HMGCS2: variants seen among roughly 807,000 people sequenced by gnomAD.
The protein encoded by HMGCS2 is 3-hydroxy-3-methylglutaryl-CoA synthase 2.
Under a neutral mutation model 57.4 loss-of-function variants are expected in HMGCS2, and 50 were observed. The ratio of observed to expected loss-of-function variants is 0.87; its 90% CI spans 0.69 to 1.10. HMGCS2 has a LOEUF of 1.10. Among genes scored for constraint, HMGCS2 ranks in the 50% least tolerant of loss-of-function variants. The pLI is 0.00. For missense variants in HMGCS2, 627 were observed against 636.5 expected (o/e 0.99, Z 0.16); for synonymous variants, 254 against 245.1 (o/e 1.04, Z -0.34).
At chr1:119,762,079 G>C (rs587678280) in intron 2 of HMGCS2, among the ~76,000 whole-genome samples, 19 of 152,216 alleles carry the variant, frequency 1.2e-4, no homozygotes, top group African/African-American at 4.6e-4. Flanking sequence ...ATTGTACAAT[G>C]TTCATTAAAA....
chr1:119,761,092 T>C (rs1020797118), intron 2 of HMGCS2, among the ~76,000 whole-genome samples: 20 of 148,798 alleles, frequency 1.3e-4, no homozygotes, highest in African/African-American at 4.6e-4. Flanking sequence ...TGTGTATATA[T>C]ATAAATATAC....
In HMGCS2 at chr1:119,757,265, G is replaced by T. The variant is rs1436255498; in HGVS notation, c.1016+8C>A. On this transcript the variant is annotated splice_region_variant and intron_variant, in intron 5 of 9. Transcript: ENST00000369406. ...CCAGCCTCTAGGCTCCCCAAGAAGA[G>T]AACTCACCCGAAAGCCTCCAGCCCC... The T allele has an allele frequency of 1.9e-6, 3 of 1,613,964 alleles. No homozygotes were observed. The highest frequency in any genetic ancestry group is 3.3e-5 in the Admixed American group (2 of 60,002).
chr1:119,756,472 A>T (rs1652840807), intron 5 of HMGCS2, among the ~76,000 whole-genome samples: 1 of 152,120 alleles, frequency 6.6e-6, no homozygotes, highest in Non-Finnish European at 1.5e-5. Context: ...TGTTTTAGTT[A>T]GTGGCAGGGT....
At chr1:119,758,199 G>A (rs756870029) in intron 4 of HMGCS2, among the ~76,000 whole-genome samples, 4 of 152,246 alleles carry the variant, frequency 2.6e-5, no homozygotes. Context: ...TACTATTTAT[G>A]TCTTTAAAGT....
In HMGCS2 at chr1:119,764,153, G is replaced by T; in HGVS notation, c.559+19C>A. ...CAATTCCAGCACCTTTCTTACATAA[G>T]GTTCGTGGCCGTACATACCATCCCA... On this transcript the variant is annotated intron_variant, in intron 2 of 9. Coordinates refer to ENST00000369406, the MANE Select transcript of HMGCS2 (RefSeq NM_005518.4). 6.2e-7 allele frequency: 1 copy of T among 1,608,712 alleles called. No homozygotes were observed. The highest frequency in any genetic ancestry group is 1.3e-5 in the African/African-American group (1 of 74,934).
intron 2 of HMGCS2, among the ~76,000 whole-genome samples, chr1:119,760,922 A>G (rs1355025664): frequency 6.6e-6 from 1 of 151,998 alleles, no homozygotes; most frequent in African/African-American, 2.4e-5. Context: ...TTGCCCAAAA[A>G]CCACATAGCT....
intron 2 of HMGCS2, among the ~76,000 whole-genome samples, chr1:119,760,812 C>G (rs1653012234): frequency 1.3e-5 from 2 of 152,100 alleles, no homozygotes; most frequent in Admixed American, 1.3e-4. Context: ...TTGGGAGCCA[C>G]ATTTCTATAT....
intron 2 of HMGCS2, among the ~76,000 whole-genome samples, chr1:119,763,552 C>T (rs935470602): frequency 6.6e-6 from 1 of 152,172 alleles, no homozygotes; most frequent in Non-Finnish European, 1.5e-5. Context: ...TGTACTGTTT[C>T]CCTTGAATCA....
chr1:119,748,588 C>T lies in HMGCS2; in HGVS notation c.*259G>A, dbSNP rs1652534347. 1 of 152,140 alleles carries T rather than the reference C, an allele frequency of 6.6e-6. No homozygotes were observed. Among genetic ancestry groups the T allele is most frequent in the Non-Finnish European group, 1.5e-5 (1 of 68,042 alleles). The allele number at this position is 152,140 out of a possible 1,614,324, so 9.4% of individuals were successfully genotyped here. On this transcript the variant is annotated 3_prime_UTR_variant, in exon 10 of 10. Coordinates refer to ENST00000369406, the MANE Select transcript of HMGCS2 (RefSeq NM_005518.4). ...GTGATTCAGGAAGAGGTCTTCTCTC[C>T]ATTGCTCCATCTTGCTCTTTCACAA...
intron 5 of HMGCS2, 151 bp from the exon 6 acceptor site, chr1:119,755,748 C>T: frequency 1.3e-6 from 1 of 775,482 alleles, no homozygotes; most frequent in South Asian, 1.4e-5. Context: ...GAGAACATAC[C>T]ACTAATGGCC....
intron 2 of HMGCS2, among the ~76,000 whole-genome samples, chr1:119,762,033 T>C (rs1296756188): frequency 2.0e-5 from 3 of 152,242 alleles, no homozygotes; most frequent in Non-Finnish European, 4.4e-5. Flanking sequence ...TCTAGGAATT[T>C]ATTCTTACAA....
At chr1:119,765,700 G>A (rs587671958) in intron 1 of HMGCS2, among the ~76,000 whole-genome samples, 28 of 152,252 alleles carry the variant, frequency 1.8e-4, no homozygotes, top group African/African-American at 6.7e-4. Context: ...CCCTTATAGG[G>A]CATAATTATA....
At position 119,748,702 on chromosome 1, in the gene HMGCS2, C is replaced by T. The variant is rs1333723178; in HGVS notation, c.*145G>A. The T allele has an allele frequency of 1.3e-5, 2 of 152,210 alleles. No homozygotes were observed. The highest frequency in any genetic ancestry group is 2.9e-5 in the Non-Finnish European group (2 of 68,054). The allele number at this position is 152,210 out of a possible 1,614,324, so 9.4% of individuals were successfully genotyped here. ...GGCCCGCTAGAGATGGCTCCTCACT[C>T]TACAGGGCTGATGCTTATGGGGCTA... is the stretch of plus-strand genomic sequence containing the variant. On this transcript the variant is annotated 3_prime_UTR_variant, in exon 10 of 10. Coordinates refer to ENST00000369406, the MANE Select transcript of HMGCS2 (RefSeq NM_005518.4).
intron 5 of HMGCS2, among the ~76,000 whole-genome samples, chr1:119,755,911 A>AT (rs56187168): frequency 1.5e-4 from 23 of 151,476 alleles, no homozygotes; most frequent in East Asian, 9.7e-4. Context: ...ATATATATAT[A>AT]TTTTTTTTCC....
At chr1:119,768,932 T>G, upstream of HMGCS2, 1 of 941,704 alleles carries the variant, frequency 1.1e-6, no homozygotes, top group Non-Finnish European at 1.7e-6. Flanking sequence ...CAGGACTTTA[T>G]AAAGCCCCAA....
rs1166429808 is a variant in HMGCS2 at position 119,752,620 on chromosome 1, G to C, written c.1349C>G (p.Ala450Gly). Residue 450 changes from alanine to glycine, a missense_variant, in exon 8 of 10, where the codon GCC (alanine) becomes GGC (glycine). Ala to Gly is a moderately conservative substitution (Grantham distance 60, BLOSUM62 0). Transcript: ENST00000369406. The part of the protein sequence containing the change: ...SSTSDLPKRL[A>G]SRKCVSPEEF... The stretch of plus-strand genomic sequence containing the variant: ...CTCAGGAGACACACACTTTCGGGAG[G>C]CTAGGCGTTTTGGCAGGTCTGATGT... 3 of 1,613,954 alleles carry C rather than the reference G, an allele frequency of 1.9e-6. No individual in the cohort carries two copies. Among genetic ancestry groups the C allele is most frequent in the East Asian group, 4.5e-5 (2 of 44,890 alleles).
At chr1:119,765,226 A>G (rs1477759466) in intron 1 of HMGCS2, among the ~76,000 whole-genome samples, 1 of 152,120 alleles carries the variant, frequency 6.6e-6, no homozygotes, top group Non-Finnish European at 1.5e-5. Context: ...CTCCTGCCTC[A>G]GCCTCCTGAG....
Position 119,750,898 on chromosome 1 carries a change from G to A in HMGCS2, c.1431C>T (p.Ser477=), listed in dbSNP as rs766442654. The part of the protein sequence containing the change: ...REQFYHKVNF[S]PPGDTNSLFP... ...AAAGGCTGTTTGTGTCACCAGGTGG[G>A]GAGAAATTCACTGTGGAATGAGGAG... The change falls in exon 9 of 10, where the codon TCC becomes TCT. Residue 477 remains serine (S), a synonymous_variant. Transcript: ENST00000369406. The A allele has an allele frequency of 6.2e-7, 1 of 1,606,632 alleles. No homozygotes were observed. The highest frequency in any genetic ancestry group is 1.1e-5 in the South Asian group (1 of 90,870).
chr1:119,755,577 G>C lies in HMGCS2; in HGVS notation c.1037C>G (p.Thr346Ser), dbSNP rs1181436986. 1 of 1,614,100 alleles carries C rather than the reference G, an allele frequency of 6.2e-7. No individual in the cohort carries two copies. Among genetic ancestry groups the C allele is most frequent in the East Asian group, 2.2e-5 (1 of 44,880 alleles). Residue 346 changes from threonine (T) to serine (S), a missense_variant, in exon 6 of 10, where the codon ACC becomes AGC. By Grantham distance (58) the Thr-to-Ser change is moderately conservative. Transcript: ENST00000369406. The part of the protein sequence containing the change: ...EAFGGLKLED[T>S]YTNKDLDKAL... ...TTTATCCAGGTCCTTGTTGGTGTAGGTGTCTTCCAGCTTTAGCCCCCTGTG... is the reference window on the plus strand; with the variant it reads ...TTTATCCAGGTCCTTGTTGGTGTAGCTGTCTTCCAGCTTTAGCCCCCTGTG...
Sources: allele counts gnomAD v4.1 joint callset (sites outside exome capture counted in the v4.1 genomes callset), GRCh38; gene constraint gnomAD v4.1.1; transcripts MANE v1.5; gene names NCBI Gene and HGNC (gene_info 2026-07-23, HGNC 2026-07-21).